SIPA1L2: variants seen among roughly 807,000 people sequenced by gnomAD.
The protein encoded by SIPA1L2 is signal induced proliferation associated 1 like 2.
A neutral mutation model predicts 163.9 loss-of-function variants in SIPA1L2; 56 were observed. That is an observed-to-expected ratio of 0.34 (90% CI 0.28 to 0.43). The LOEUF is 0.43. Among genes scored for constraint, SIPA1L2 ranks in the 20% least tolerant of loss-of-function variants. The probability of loss-of-function intolerance (pLI) is 1.00; values close to 1 mark genes in which losing one functional copy is unlikely to be tolerated. For missense variants in SIPA1L2, 1,974 were observed against 2,193.5 expected (o/e 0.90, Z 2.00); for synonymous variants, 877 against 865.7 (o/e 1.01, Z -0.23).
chr1:232,491,782 C>G (rs1665942504), intron 4 of SIPA1L2, among the ~76,000 whole-genome samples: 1 of 152,042 alleles, frequency 6.6e-6, no homozygotes, highest in Non-Finnish European at 1.5e-5. Flanking sequence ...CTACTAACAC[C>G]AGGAGCTGGG....
intron 2 of SIPA1L2, among the ~76,000 whole-genome samples, chr1:232,536,638 C>G (rs1486419414): frequency 6.6e-6 from 1 of 152,062 alleles, no homozygotes. Context: ...AAAGAGTTCT[C>G]CAAAAATGAA....
intron 1 of SIPA1L2, among the ~76,000 whole-genome samples, chr1:232,603,093 A>G (rs1416239127): frequency 1.3e-5 from 2 of 152,208 alleles, no homozygotes; most frequent in African/African-American, 2.4e-5. Context: ...GACACGTGGT[A>G]TAAGGATTGA....
Position 232,483,813 on chromosome 1 carries a change from G to A in SIPA1L2, c.1960C>T (p.Arg654Ter). 2 of 1,613,914 alleles carry A rather than the reference G, an allele frequency of 1.2e-6. No homozygotes were observed. The highest frequency in any genetic ancestry group is 8.5e-7 in the Non-Finnish European group (1 of 1,179,892). The change falls in exon 6 of 23, where the codon CGA (arginine) becomes TGA (stop). Residue 654 changes from arginine to a stop codon, truncating the protein, a stop_gained. Coordinates refer to ENST00000674635, the MANE Select transcript of SIPA1L2 (RefSeq NM_020808.5). LOFTEE classifies it high-confidence loss of function. ...TTACTCTTATTGTCTAGCTGAGCTC[G>A]ATATTTACTAAATCCTTTCAGTCGG... ...RVRLKGFSKY[R>*]AQLDNKTDST...
At chr1:232,493,363 A>T (rs1338350100) in intron 4 of SIPA1L2, among the ~76,000 whole-genome samples, 164 bp downstream of exon 4, 1 of 152,168 alleles carries the variant, frequency 6.6e-6, no homozygotes, top group African/African-American at 2.4e-5. Context: ...CAAATTTTTC[A>T]TTTAGAATAA....
intron 19 of SIPA1L2, among the ~76,000 whole-genome samples, chr1:232,411,247 T>G (rs1038069982): frequency 1.3e-5 from 2 of 152,236 alleles, no homozygotes; most frequent in Non-Finnish European, 2.9e-5. Flanking sequence ...TGGTTCAGGC[T>G]GGCCTGGTTT....
intron 14 of SIPA1L2, among the ~76,000 whole-genome samples, chr1:232,440,150 G>C (rs1181589641): frequency 1.3e-5 from 2 of 152,182 alleles, no homozygotes; most frequent in African/African-American, 2.4e-5. Context: ...GTCTGAAAAA[G>C]AGTCAATGCT....
chr1:232,516,639 T>C (rs1338635607), intron 2 of SIPA1L2, among the ~76,000 whole-genome samples: 2 of 152,214 alleles, frequency 1.3e-5, no homozygotes, highest in Non-Finnish European at 2.9e-5. Context: ...AATTTTTTTT[T>C]TTTTTATGGT....
In SIPA1L2 at chr1:232,441,851, A is replaced by G. The variant is rs1274407666; in HGVS notation, c.3455T>C (p.Leu1152Pro). The change falls in exon 13 of 23, where the codon CTG becomes CCG. Residue 1152 changes from leucine to proline, a missense_variant. By Grantham distance (98) the Leu-to-Pro change is moderately conservative. Around this residue, in one of 3 missense-constraint regions of SIPA1L2, gnomAD observed 1,079 missense variants for 1,150.7 expected, o/e 0.94. Transcript: ENST00000674635. ...AGGGCCTGAGCCCTGGTGTTCGAGC[A>G]GTAGAGGGGACTGGCACCTGAAAAG... Reference protein sequence around the residue: ...VGYDGCQSPLLLEHQGSGPLE... With the variant: ...VGYDGCQSPLPLEHQGSGPLE... 22 of 1,612,802 alleles carry G rather than the reference A, an allele frequency of 1.4e-5. No homozygotes were observed. Among genetic ancestry groups the G allele is most frequent in the Non-Finnish European group, 1.7e-5 (20 of 1,179,472 alleles).
At chr1:232,476,033 T>C (rs1210269202) in intron 7 of SIPA1L2, among the ~76,000 whole-genome samples, 2 of 152,176 alleles carry the variant, frequency 1.3e-5, no homozygotes, top group Non-Finnish European at 2.9e-5. Flanking sequence ...TAGTATTATG[T>C]ATAGGTGAAC....
chr1:232,618,324 T>C (rs1313702985), intron 1 of SIPA1L2, among the ~76,000 whole-genome samples: 1 of 152,232 alleles, frequency 6.6e-6, no homozygotes, highest in East Asian at 1.9e-4. Context: ...GGCGAGCTCT[T>C]TTTGTCCACA....
At chr1:232,505,211 G>C (rs1301081339) in intron 3 of SIPA1L2, among the ~76,000 whole-genome samples, 1 of 152,216 alleles carries the variant, frequency 6.6e-6, no homozygotes, top group East Asian at 1.9e-4. Flanking sequence ...CTTCAAAGAA[G>C]AGAGGTGGAG....
intron 2 of SIPA1L2, among the ~76,000 whole-genome samples, chr1:232,540,822 T>C (rs1054008392): frequency 1.2e-4 from 18 of 152,154 alleles, no homozygotes; most frequent in African/African-American, 4.3e-4. Context: ...TTATAAGCAA[T>C]AGTCAATGCC....
chr1:232,627,334 G>C (rs1488873785), intron 1 of SIPA1L2, among the ~76,000 whole-genome samples: 1 of 152,126 alleles, frequency 6.6e-6, no homozygotes, highest in Admixed American at 6.6e-5. Context: ...TTTTAAACCA[G>C]TTTCAATTAC....
In SIPA1L2 at chr1:232,538,789, G is replaced by A. The variant is rs138578421; in HGVS notation, c.-269-23181C>T. Among the ~76,000 whole-genome samples the A allele has an allele frequency of 2.1e-3, 313 of 152,172 alleles. 1 individual carries two copies. Among genetic ancestry groups the A allele is most frequent in the African/African-American group, 7.1e-3 (293 of 41,496 alleles). On this transcript the variant is annotated intron_variant, in intron 2 of 22. Transcript: ENST00000674635. The stretch of plus-strand genomic sequence containing the variant: ...CATGAAGGTACAATTTGAGTAGAGA[G>A]CTCAAAATTTCCCAACCATCAAGAA...
rs1466871910 is a variant in SIPA1L2, at chr1:232,515,055, G to A, written c.285C>T (p.Cys95=). The A allele has an allele frequency of 6.2e-7, 1 of 1,614,178 alleles. No homozygotes were observed. Among genetic ancestry groups the A allele is most frequent in the Non-Finnish European group, 8.5e-7 (1 of 1,180,030 alleles). The change falls in exon 3 of 23, where the codon TGC becomes TGT. Residue 95 remains cysteine (C), a synonymous_variant. Transcript: ENST00000674635. ...GAGACCGGCTTTCCCACAGTGCCTT[G>A]CATGTTAGCTCCTTGGAACAGTCCT... ...PKKDCSKELT[C]KALWESRSQT...
intron 2 of SIPA1L2, among the ~76,000 whole-genome samples, chr1:232,554,351 C>T (rs1213445705): frequency 2.0e-5 from 3 of 152,136 alleles, no homozygotes; most frequent in Admixed American, 2.0e-4. Context: ...AGAAGGGCTC[C>T]TACAGGAAAG....
At position 232,479,680 on chromosome 1, in the gene SIPA1L2, G is replaced by C. The variant is rs759522020; in HGVS notation, c.2032C>G (p.Leu678Val). 1.8e-5 allele frequency: 29 copies of C among 1,613,706 alleles called. No individual in the cohort carries two copies. The highest frequency in any genetic ancestry group is 1.6e-4 in the Middle Eastern group (1 of 6,082). The change falls in exon 7 of 23, where the codon CTC (leucine) becomes GTC (valine). Residue 678 changes from leucine (L) to valine (V), a missense_variant. Transcript: ENST00000674635. ...AGCAGGGTTGACACGTGGAACATGA[G>C]TTCGTAGTCTTTGTATGTGGTATAG... Reference protein sequence around the residue: ...SLYTTYKDYELMFHVSTLLPY... With the variant: ...SLYTTYKDYEVMFHVSTLLPY...
intron 3 of SIPA1L2, among the ~76,000 whole-genome samples, chr1:232,507,841 A>T (rs994294969): frequency 1.3e-5 from 2 of 152,224 alleles, no homozygotes; most frequent in Non-Finnish European, 2.9e-5. Context: ...ATACATAATG[A>T]CATGGAAGGG....
chr1:232,439,285 C>T lies in SIPA1L2; in HGVS notation c.3854G>A (p.Gly1285Asp). The T allele has an allele frequency of 1.2e-6, 2 of 1,614,132 alleles. No individual in the cohort carries two copies. Among genetic ancestry groups the T allele is most frequent in the Non-Finnish European group, 1.7e-6 (2 of 1,180,026 alleles). ...ATILGPVHLA[G>D]SRSLIHSRAE... ...CCGGCTGTGGATCAGGGACCTGCTG[C>T]CTGCCAGGTGCACAGGGCCGAGGAT... The change falls in exon 15 of 23, where the codon GGC (glycine) becomes GAC (aspartate). Residue 1285 changes from glycine to aspartate, a missense_variant. Physicochemically the swap from Gly to Asp is moderately conservative, Grantham distance 94. Coordinates refer to ENST00000674635, the MANE Select transcript of SIPA1L2 (RefSeq NM_020808.5).
Sources: gnomAD v4.1 joint callset for allele counts (sites outside exome capture counted in the v4.1 genomes callset) on GRCh38, gnomAD v4.1.1 for gene constraint, gnomAD v4.1.1 regional missense constraint, MANE v1.5 for transcripts, NCBI Gene and HGNC (gene_info 2026-07-23, HGNC 2026-07-21) for gene names.